RTL4: variants seen among roughly 807,000 people sequenced by gnomAD.
RTL4 encodes retrotransposon Gag-like protein 4.
A neutral mutation model predicts 5.3 loss-of-function variants in RTL4; 4 were observed. The ratio of observed to expected loss-of-function variants is 0.75; its 90% CI spans 0.37 to 1.72. The LOEUF is 1.72. RTL4 is among the 40% of genes most tolerant of loss of function. The pLI, the probability that RTL4 is intolerant of heterozygous loss-of-function variation, is 0.04. For missense variants in RTL4, 260 were observed against 227.1 expected (o/e 1.14, Z -0.93); for synonymous variants, 98 against 87.3 (o/e 1.12, Z -0.68).
the RTL4 span, among the ~76,000 whole-genome samples, chrX:112,241,574 C>A: frequency 8.9e-6 from 1 of 111,841 alleles, no homozygotes; most frequent in Admixed American, 9.5e-5. Context: ...TGTTTAAGTT[C>A]TTTGTCGATT....
chrX:112,397,660 T>C, the RTL4 span, among the ~76,000 whole-genome samples: 1 of 112,230 alleles, frequency 8.9e-6, no homozygotes, highest in Non-Finnish European at 1.9e-5. Context: ...TTGTTTTCAT[T>C]GACTTCTTTC....
the RTL4 span, among the ~76,000 whole-genome samples, chrX:112,233,742 TG>T: frequency 4.1e-4 from 46 of 111,323 alleles, no homozygotes; most frequent in African/African-American, 1.5e-3. Context: ...CCAACAGAGT[TG>T]TAGTGCCTTC....
At chrX:112,138,699 T>C in the RTL4 span, among the ~76,000 whole-genome samples, 1 of 111,758 alleles carries the variant, frequency 8.9e-6, no homozygotes, top group Non-Finnish European at 1.9e-5. Context: ...TAGAATCAGT[T>C]TGTCAAATTT....
chrX:112,273,818 A>G, the RTL4 span, among the ~76,000 whole-genome samples: 1 of 111,672 alleles, frequency 9.0e-6, no homozygotes, highest in Admixed American at 9.5e-5. Context: ...TTGCAAAATG[A>G]GGATAATAAT....
chrX:112,342,156 G>T, the RTL4 span, among the ~76,000 whole-genome samples: 1 of 111,283 alleles, frequency 9.0e-6, no homozygotes, highest in African/African-American at 3.3e-5. Context: ...ACCTACTCTG[G>T]TTGAGTATAA....
the RTL4 span, among the ~76,000 whole-genome samples, chrX:112,217,608 G>A: frequency 0.25 from 27,339 of 110,909 alleles, 3,256 homozygotes; most frequent in African/African-American, 0.47. Flanking sequence ...AGATTGTCGT[G>A]AGTAGTAAAT....
the RTL4 span, among the ~76,000 whole-genome samples, chrX:112,163,481 C>T: frequency 9.0e-6 from 1 of 111,549 alleles, no homozygotes; most frequent in Non-Finnish European, 1.9e-5. Context: ...CCAGAGGGAT[C>T]GTGGGGAACA....
the RTL4 span, among the ~76,000 whole-genome samples, chrX:112,415,669 G>GA: frequency 0.053 from 5,807 of 109,744 alleles, 339 homozygotes; most frequent in African/African-American, 0.17. Flanking sequence ...TATGACAATT[G>GA]AAAAAAAACT....
chrX:112,447,469 T>G, the RTL4 span, among the ~76,000 whole-genome samples: 1 of 112,344 alleles, frequency 8.9e-6, no homozygotes, highest in East Asian at 2.8e-4. Context: ...TAATCCAACA[T>G]CCGTCTAACT....
At chrX:112,367,788 GC>G in the RTL4 span, among the ~76,000 whole-genome samples, 2 of 111,834 alleles carry the variant, frequency 1.8e-5, no homozygotes, top group African/African-American at 6.5e-5. Flanking sequence ...TTAACAGGGT[GC>G]TGAGAGACCA....
chrX:112,399,298 C>G, the RTL4 span, among the ~76,000 whole-genome samples: 4 of 111,277 alleles, frequency 3.6e-5, no homozygotes, highest in Non-Finnish European at 7.5e-5. Flanking sequence ...TTGATTTTCT[C>G]TATTGTTTTT....
chrX:112,296,702 C>G, the RTL4 span, among the ~76,000 whole-genome samples: 3 of 107,327 alleles, frequency 2.8e-5, no homozygotes, highest in South Asian at 4.4e-4. Context: ...CTCCGCCTCC[C>G]GAGTTCACGC....
chrX:112,393,503 A>G, the RTL4 span, among the ~76,000 whole-genome samples: 1 of 111,769 alleles, frequency 8.9e-6, no homozygotes, highest in Non-Finnish European at 1.9e-5. Context: ...GAGAACATCA[A>G]TAGGGGTGGC....
chrX:112,377,161 A>G, the RTL4 span, among the ~76,000 whole-genome samples: 1 of 111,726 alleles, frequency 9.0e-6, no homozygotes, highest in South Asian at 3.8e-4. Flanking sequence ...ACCTCTCACC[A>G]CTAAGAAGAG....
At chrX:112,178,699 A>C in the RTL4 span, among the ~76,000 whole-genome samples, 1 of 111,699 alleles carries the variant, frequency 9.0e-6, no homozygotes, top group Non-Finnish European at 1.9e-5. Context: ...AGCACCTGCG[A>C]ATTGCAACTC....
At chrX:112,350,975 A>G in the RTL4 span, among the ~76,000 whole-genome samples, 1 of 111,074 alleles carries the variant, frequency 9.0e-6, no homozygotes, top group Admixed American at 9.6e-5. Context: ...TCAATTTTGG[A>G]TCTTTCCTCC....
At chrX:112,234,969 T>C in the RTL4 span, among the ~76,000 whole-genome samples, 1 of 111,414 alleles carries the variant, frequency 9.0e-6, no homozygotes, top group African/African-American at 3.3e-5. Flanking sequence ...GGAGGGTAGA[T>C]TTGGCTGCTT....
chrX:112,083,827 CA>C, the RTL4 span, among the ~76,000 whole-genome samples: 1 of 111,527 alleles, frequency 9.0e-6, no homozygotes, highest in South Asian at 3.9e-4. Flanking sequence ...GCCCCACCCC[CA>C]CCACAAGCCT....
At chrX:112,247,760 G>C in the RTL4 span, among the ~76,000 whole-genome samples, 1 of 112,209 alleles carries the variant, frequency 8.9e-6, no homozygotes, top group African/African-American at 3.2e-5. Context: ...GAGTGGATCT[G>C]TTCCAGAAGA....
Sources: gnomAD v4.1 joint callset for allele counts (sites outside exome capture counted in the v4.1 genomes callset) on GRCh38, gnomAD v4.1.1 for gene constraint, MANE v1.5 for transcripts, NCBI Gene and HGNC (gene_info 2026-07-23, HGNC 2026-07-21) for gene names.